Variants in RCBTB1 observed in about 807,000 individuals in gnomAD.
RCBTB1 encodes the protein RCC1 and BTB domain-containing protein 1.
Under a neutral mutation model 62.4 loss-of-function variants are expected in RCBTB1, and 46 were observed. That is an observed-to-expected ratio of 0.74 (90% CI 0.58 to 0.94). The LOEUF (loss-of-function observed/expected upper bound fraction) is 0.94. Ranked by LOEUF, RCBTB1 falls within the 40% of genes least tolerant of loss-of-function variation. The pLI is 0.00. For synonymous variants in RCBTB1, 222 were observed against 245.8 expected (o/e 0.90, Z 0.91); for missense variants, 565 against 654.9 (o/e 0.86, Z 1.50).
At chr13:49,541,034 A>AT in intron 11 of RCBTB1, 28 bp from the exon 12 acceptor site, 1 of 1,597,298 alleles carries the variant, frequency 6.3e-7, no homozygotes, top group Non-Finnish European at 8.5e-7. Context: ...GAAAGGTTTA[A>AT]TCAAATGTAT....
chr13:49,546,240 G>C (rs1405838691), intron 9 of RCBTB1: 2 of 985,286 alleles, frequency 2.0e-6, no homozygotes, highest in Non-Finnish European at 2.4e-6. Context: ...AACAAGTATA[G>C]TACATCCTTT....
intron 2 of RCBTB1, among the ~76,000 whole-genome samples, chr13:49,578,970 A>T (rs904925074): frequency 3.9e-5 from 6 of 152,152 alleles, no homozygotes; most frequent in African/African-American, 1.4e-4. Context: ...ATTACAACTT[A>T]ATGTCTTCCA....
intron 6 of RCBTB1, among the ~76,000 whole-genome samples, chr13:49,555,259 T>C (rs1208429687): frequency 2.6e-5 from 4 of 152,232 alleles, no homozygotes; most frequent in Non-Finnish European, 5.9e-5. Flanking sequence ...CTATAGGCAT[T>C]AGGCTCTTTG....
rs189179597 is a variant in RCBTB1 at position 49,564,543 on chromosome 13, C to A, written c.277+2075G>T. ...GGAGGTTGAGTGGGCCGAGATCATG[C>A]CACTGCACTCCAGCCTGGAGACAGA... On this transcript the variant is annotated intron_variant, in intron 4 of 12. Transcript: ENST00000378302. 1.8e-3 allele frequency among the ~76,000 whole-genome samples: 244 copies of A among 135,220 alleles called. 1 individual carries two copies. Among genetic ancestry groups the A allele is most frequent in the Non-Finnish European group, 2.5e-3 (161 of 64,934 alleles). The allele number at this position is 135,220 out of a possible 152,430, so 88.7% of individuals were successfully genotyped here.
At chr13:49,581,172 C>CT (rs1284660288) in intron 1 of RCBTB1, among the ~76,000 whole-genome samples, 4 of 151,940 alleles carry the variant, frequency 2.6e-5, no homozygotes, top group Admixed American at 2.6e-4. Flanking sequence ...TGAAAGATTA[C>CT]TTTGGCTGAC....
chr13:49,567,216 G>A lies in RCBTB1; in HGVS notation c.64C>T (p.Arg22Trp), dbSNP rs865934938. The change falls in exon 3 of 13, where the codon CGG becomes TGG. Residue 22 changes from arginine (R) to tryptophan (W), a missense_variant. Transcript: ENST00000378302. ...LLSPQEIASI[R>W]KACVFGTSAS... ...GAGGTGCCGAAGACACACGCCTTCCGAATAGACGCGATCTCTTGAGGGGAG... is the reference window on the plus strand; with the variant it reads ...GAGGTGCCGAAGACACACGCCTTCCAAATAGACGCGATCTCTTGAGGGGAG... 1.5e-5 allele frequency: 25 copies of A among 1,613,746 alleles called. No individual in the cohort carries two copies. Among genetic ancestry groups the A allele is most frequent in the Middle Eastern group, 3.3e-4 (2 of 6,084 alleles).
Position 49,534,035 on chromosome 13 carries a change from C to T in RCBTB1, c.*87G>A. 2 of 1,387,358 alleles carry T rather than the reference C, an allele frequency of 1.4e-6. No individual in the cohort carries two copies. The highest frequency in any genetic ancestry group is 2.0e-6 in the Non-Finnish European group (2 of 1,020,996). 85.9% of individuals were successfully genotyped at this position (1,387,358 alleles called of 1,614,324 possible). A position where few individuals can be genotyped will look rare whatever the true frequency, so the allele number is the denominator to read the frequency against. ...AAACAACCTGATGGTCTTTTACCTG[C>T]AGAATCACATCACCCGTAGAGCACA... On this transcript the variant is annotated 3_prime_UTR_variant, in exon 13 of 13. Transcript: ENST00000378302.
rs527594005 is a variant in RCBTB1 at position 49,539,036 on chromosome 13, A to G, written c.1455+1840T>C. ...AGGTACGCACCACCACACCCAGCTA[A>G]TTTTTGTATTTTTAGTAGAGACAGG... On this transcript the variant is annotated intron_variant, in intron 12 of 12. Transcript: ENST00000378302. Among the ~76,000 whole-genome samples, 17 of 151,876 alleles carry G rather than the reference A, an allele frequency of 1.1e-4. No homozygotes were observed. The East Asian group carries it at 2.5e-3, about 23-fold the overall frequency.
intron 2 of RCBTB1, among the ~76,000 whole-genome samples, chr13:49,567,950 G>A (rs945471627): frequency 6.6e-6 from 1 of 152,260 alleles, no homozygotes; most frequent in East Asian, 1.9e-4. Flanking sequence ...ATTTGACAGG[G>A]GAGTAATACA....
Position 49,533,128 on chromosome 13 carries a change from T to C in RCBTB1, c.*994A>G, listed in dbSNP as rs1042600543. On this transcript the variant is annotated 3_prime_UTR_variant, in exon 13 of 13. Coordinates refer to ENST00000378302, the MANE Select transcript of RCBTB1 (RefSeq NM_018191.4). ...AATGTGTGATGGATTTGGCCTAAAG[T>C]AGATAAAGCAAATTCCACTAAGTCT... 2.6e-5 allele frequency: 4 copies of C among 152,174 alleles called. No individual in the cohort carries two copies. Among genetic ancestry groups the C allele is most frequent in the Non-Finnish European group, 5.9e-5 (4 of 68,028 alleles). 9.4% of individuals were successfully genotyped at this position (152,174 alleles called of 1,614,324 possible). A position where few individuals can be genotyped will look rare whatever the true frequency, so the allele number is the denominator to read the frequency against.
rs368531856 is a variant in RCBTB1, at chr13:49,558,643, G to A, written c.444+1275C>T. ...CAGGAGGCAGAGGTTGCAGTGGGCC[G>A]AGATTGTACCATTGCACTCCAGCCT... On this transcript the variant is annotated intron_variant, in intron 5 of 12. Coordinates refer to ENST00000378302, the MANE Select transcript of RCBTB1 (RefSeq NM_018191.4). Among the ~76,000 whole-genome samples the A allele has an allele frequency of 2.7e-4, 37 of 137,952 alleles. No homozygotes were observed. The East Asian group carries it at 4.3e-3, about 16-fold the overall frequency. 90.5% of individuals were successfully genotyped at this position (137,952 alleles called of 152,430 possible). A position where few individuals can be genotyped will look rare whatever the true frequency, so the allele number is the denominator to read the frequency against.
rs1594358214 is a variant in RCBTB1, at chr13:49,578,837, A to C, written c.-42+1668T>G. Among the ~76,000 whole-genome samples the C allele has an allele frequency of 3.3e-5, 5 of 152,326 alleles. 1 individual carries two copies. In the South Asian group the frequency reaches 1.0e-3, roughly 32 times the overall value. ...TAGCCTTCTTCCTTTTTTAGCAATA[A>C]ATGTTCCATTTGAGCACAAAAGATT... On this transcript the variant is annotated intron_variant, in intron 2 of 12. Transcript: ENST00000378302.
intron 2 of RCBTB1, among the ~76,000 whole-genome samples, chr13:49,574,930 CA>C (rs1963671274): frequency 1.1e-5 from 1 of 93,528 alleles, no homozygotes; most frequent in African/African-American, 5.3e-5. Context: ...CTGATACATA[CA>C]ACAACAGGGA....
At position 49,540,962 on chromosome 13, in the gene RCBTB1, T is replaced by G. The variant is rs1215719005; in HGVS notation, c.1369A>C (p.Lys457Gln). 8 of 1,613,568 alleles carry G rather than the reference T, an allele frequency of 5.0e-6. No homozygotes were observed. The highest frequency in any genetic ancestry group is 1.1e-5 in the South Asian group (1 of 91,078). ...CTCTTGATAATGTGCTGACAAAGTT[T>G]TTTCAGTCTGTTTTCACAGTAAGAT... ...ATSYCENRLK[K>Q]LCQHIIKRGI... is the part of the protein sequence containing the mutation. Residue 457 changes from lysine (K) to glutamine (Q), a missense_variant, in exon 12 of 13, where the codon AAA becomes CAA. Physicochemically the swap from Lys to Gln is moderately conservative, Grantham distance 53. Coordinates refer to ENST00000378302, the MANE Select transcript of RCBTB1 (RefSeq NM_018191.4).
rs372162764 is a variant in RCBTB1 at position 49,560,019 on chromosome 13, C to T, written c.343G>A (p.Gly115Ser). ...SQLGNGTTNQGIAPVQVCTNL... is the reference protein window; with the variant it reads ...SQLGNGTTNQSIAPVQVCTNL... ...GTACAGACCTGGACGGGAGCAATGC[C>T]TTGGTTGGTCGTCCCATTCCCAAGC... is the stretch of plus-strand genomic sequence containing the variant. Residue 115 changes from glycine (G) to serine (S), a missense_variant, in exon 5 of 13, where the codon GGC (glycine) becomes AGC (serine). Physicochemically the swap from Gly to Ser is moderately conservative, Grantham distance 56. Coordinates refer to ENST00000378302, the MANE Select transcript of RCBTB1 (RefSeq NM_018191.4). 9.9e-6 allele frequency: 16 copies of T among 1,614,098 alleles called. No homozygotes were observed. Among genetic ancestry groups the T allele is most frequent in the Non-Finnish European group, 1.4e-5 (16 of 1,180,038 alleles).
chr13:49,562,162 A>T (rs2137286654), intron 4 of RCBTB1, among the ~76,000 whole-genome samples: 1 of 152,232 alleles, frequency 6.6e-6, no homozygotes, highest in East Asian at 1.9e-4. Flanking sequence ...CAAATAGAAG[A>T]CGCTGAATCC....
At chr13:49,568,418 A>G (rs1963170976) in intron 2 of RCBTB1, among the ~76,000 whole-genome samples, 1 of 152,234 alleles carries the variant, frequency 6.6e-6, no homozygotes, top group South Asian at 2.1e-4. Context: ...CTAAAAATGA[A>G]AATTGCTAGG....
Position 49,534,051 on chromosome 13 carries a change from G to A in RCBTB1, c.*71C>T, listed in dbSNP as rs561111206. 54 of 1,501,598 alleles carry A rather than the reference G, an allele frequency of 3.6e-5. 2 individuals carry two copies. The South Asian group carries it at 4.2e-4, about 12-fold the overall frequency. The allele number at this position is 1,501,598 out of a possible 1,614,324, so 93.0% of individuals were successfully genotyped here. ...TTTTACCTGCAGAATCACATCACCC[G>A]TAGAGCACAAACTGGACACATCCTC... On this transcript the variant is annotated 3_prime_UTR_variant, in exon 13 of 13. Coordinates refer to ENST00000378302, the MANE Select transcript of RCBTB1 (RefSeq NM_018191.4).
chr13:49,538,877 GT>G (rs1372312315), intron 12 of RCBTB1, among the ~76,000 whole-genome samples: 3 of 136,726 alleles, frequency 2.2e-5, no homozygotes, highest in African/African-American at 5.3e-5. Context: ...AGGATTTTAA[GT>G]TTTTTTTAAC....
Sources: allele counts gnomAD v4.1 joint callset (sites outside exome capture counted in the v4.1 genomes callset), GRCh38; gene constraint gnomAD v4.1.1; transcripts MANE v1.5; gene names NCBI Gene and HGNC (gene_info 2026-07-23, HGNC 2026-07-21).